Variants in FHL2 observed in about 807,000 individuals in gnomAD.
FHL2 encodes the protein four and a half LIM domains 2, also known as four and a half LIM domains protein 2.
Under a neutral mutation model 32.7 loss-of-function variants are expected in FHL2, and 20 were observed. The ratio of observed to expected loss-of-function variants is 0.61; its 90% CI spans 0.43 to 0.89. The LOEUF (loss-of-function observed/expected upper bound fraction) is 0.89, where lower values mean the gene tolerates loss of function less well. FHL2 is among the 40% of genes least tolerant of loss of function. The probability of loss-of-function intolerance (pLI) is 0.00; values close to 1 mark genes in which losing one functional copy is unlikely to be tolerated. For synonymous variants in FHL2, 123 were observed against 128.1 expected (o/e 0.96, Z 0.27); for missense variants, 311 against 358.6 (o/e 0.87, Z 1.07).
At chr2:105,409,389 C>T (rs1660310631) in intron 1 of FHL2, among the ~76,000 whole-genome samples, 1 of 152,180 alleles carries the variant, frequency 6.6e-6, no homozygotes, top group Non-Finnish European at 1.5e-5. Context: ...TCCCATGATG[C>T]TCATGTGTGG....
chr2:105,403,755 G>A (rs1306989782), upstream of FHL2, among the ~76,000 whole-genome samples: 1 of 152,122 alleles, frequency 6.6e-6, no homozygotes, highest in African/African-American at 2.4e-5. Flanking sequence ...CGTGGGGGAG[G>A]GACAGGGAAA....
chr2:105,408,047 A>G (rs1036407780), intron 1 of FHL2, among the ~76,000 whole-genome samples: 2 of 152,240 alleles, frequency 1.3e-5, no homozygotes, highest in African/African-American at 4.8e-5. Flanking sequence ...CAGAAATTCC[A>G]TAAAGGTTCT....
chr2:105,437,981 T>G (rs148129526), intron 1 of FHL2, among the ~76,000 whole-genome samples: 68 of 152,332 alleles, frequency 4.5e-4, no homozygotes, highest in African/African-American at 1.2e-3. Context: ...AAAGTTCAAG[T>G]GCACTGTGGT....
chr2:105,405,226 CT>C (rs1464404743), intron 1 of FHL2, among the ~76,000 whole-genome samples: 1 of 152,126 alleles, frequency 6.6e-6, no homozygotes, highest in Non-Finnish European at 1.5e-5. Context: ...GAGTTTTACT[CT>C]TTTTTTCCTC....
At position 105,437,453 on chromosome 2, in the gene FHL2, G is replaced by A. The variant is rs561363663; in HGVS notation, c.-25+946C>T. ...GTATCGATAAAATTTTGAAAGCCTA[G>A]CAATAAAATAAAATTCAAATAATAT... is the stretch of plus-strand genomic sequence containing the variant. On this transcript the variant is annotated intron_variant, in intron 1 of 5. Coordinates refer to the FHL2 transcript ENST00000393352. Among the ~76,000 whole-genome samples, 35 of 152,052 alleles carry A rather than the reference G, an allele frequency of 2.3e-4. 1 individual carries two copies. The South Asian group carries it at 7.3e-3, about 32-fold the overall frequency.
intron 1 of FHL2, among the ~76,000 whole-genome samples, chr2:105,437,412 AT>A (rs1684645498): frequency 6.6e-6 from 1 of 152,214 alleles, no homozygotes; most frequent in Admixed American, 6.5e-5. Context: ...TACCCCATAA[AT>A]ATGTAAAATA....
At chr2:105,421,970 C>T (rs1684114354) in intron 1 of FHL2, among the ~76,000 whole-genome samples, 1 of 152,142 alleles carries the variant, frequency 6.6e-6, no homozygotes, top group South Asian at 2.1e-4. Flanking sequence ...TCTTTTTGTT[C>T]CCATCAGCTT....
Position 105,395,718 on chromosome 2 carries a change from A to G in FHL2, c.-25+929T>C, listed in dbSNP as rs148794933. Among the ~76,000 whole-genome samples the G allele has an allele frequency of 2.7e-3, 414 of 152,306 alleles. 3 individuals carry two copies. Among genetic ancestry groups the G allele is most frequent in the African/African-American group, 9.4e-3 (391 of 41,560 alleles). ...TTGTTGACTGACAAGCTCCATATTTACATACTGCAAGGACATTCTGGCATT... is the reference window on the plus strand; with the variant it reads ...TTGTTGACTGACAAGCTCCATATTTGCATACTGCAAGGACATTCTGGCATT... On this transcript the variant is annotated intron_variant, in intron 2 of 6. Coordinates refer to ENST00000530340, the MANE Select transcript of FHL2 (RefSeq NM_001318895.3).
At chr2:105,436,018 G>A (rs999654710) in intron 1 of FHL2, among the ~76,000 whole-genome samples, 8 of 152,124 alleles carry the variant, frequency 5.3e-5, no homozygotes, top group African/African-American at 1.9e-4. Flanking sequence ...CAAAAGTCCT[G>A]TGTTAAAATG....
chr2:105,383,166 G>A (rs1052691219), intron 3 of FHL2, among the ~76,000 whole-genome samples: 23 of 152,348 alleles, frequency 1.5e-4, no homozygotes, highest in East Asian at 1.9e-4. Context: ...AATTACAGGC[G>A]TGGGCCACTG....
chr2:105,399,518 T>A, upstream of FHL2: 1 of 1,536,152 alleles, frequency 6.5e-7, no homozygotes, highest in Non-Finnish European at 8.7e-7. Context: ...AGATGCTTCT[T>A]TACGAAATGA....
chr2:105,401,539 T>G (rs1351402877), upstream of FHL2, among the ~76,000 whole-genome samples: 2 of 152,236 alleles, frequency 1.3e-5, no homozygotes, highest in African/African-American at 4.8e-5. Flanking sequence ...TTATAGGAAA[T>G]TATCTTGTAG....
In FHL2 at chr2:105,419,211, A is replaced by T. The variant is rs185342361; in HGVS notation, c.-25+19188T>A. Among the ~76,000 whole-genome samples the T allele has an allele frequency of 5.0e-3, 762 of 152,232 alleles. 2 individuals carry two copies. The highest frequency in any genetic ancestry group is 8.1e-3 in the Non-Finnish European group (550 of 68,026). On this transcript the variant is annotated intron_variant, in intron 1 of 5. Coordinates refer to the FHL2 transcript ENST00000393352. ...ACTTTGGCATAAGGATTTTTAAAAAATTTTTTTATTTTCATAGGTTTTTCG... is the reference window on the plus strand; with the variant it reads ...ACTTTGGCATAAGGATTTTTAAAAATTTTTTTTATTTTCATAGGTTTTTCG...
At chr2:105,393,979 C>T (rs773961184) in intron 2 of FHL2, among the ~76,000 whole-genome samples, 5 of 152,200 alleles carry the variant, frequency 3.3e-5, no homozygotes, top group Admixed American at 6.5e-5. Context: ...TTGGGAAGAA[C>T]GCACAGATCC....
upstream of FHL2, chr2:105,399,206 C>T (rs1297904652): frequency 2.0e-6 from 3 of 1,464,070 alleles, no homozygotes; most frequent in East Asian, 8.5e-5. Context: ...CGGGCTGCGG[C>T]GGTCCCGGCC....
Position 105,361,310 on chromosome 2 carries a change from C to T in FHL2, c.813G>A (p.Leu271=). The part of the protein sequence containing the change: ...RGFLTERDDI[L]CPDCGKDI ...AGATGTCTTTCCCACAGTCGGGGCA[C>T]AGGATGTCGTCCCTCTCTGTGAGGA... The change falls in exon 7 of 7, where the codon CTG becomes CTA. Residue 271 remains leucine, a synonymous_variant. Coordinates refer to ENST00000530340, the MANE Select transcript of FHL2 (RefSeq NM_001318895.3). 1.2e-6 allele frequency: 2 copies of T among 1,614,034 alleles called. No individual in the cohort carries two copies. The highest frequency in any genetic ancestry group is 1.1e-5 in the South Asian group (1 of 91,054).
At chr2:105,426,798 G>A (rs1684282004) in intron 1 of FHL2, among the ~76,000 whole-genome samples, 1 of 152,250 alleles carries the variant, frequency 6.6e-6, no homozygotes, top group Non-Finnish European at 1.5e-5. Flanking sequence ...CTGGGGTGCA[G>A]ATGCTGCCGA....
intron 4 of FHL2, among the ~76,000 whole-genome samples, chr2:105,368,417 G>C (rs910677000): frequency 1.3e-5 from 2 of 152,140 alleles, no homozygotes; most frequent in African/African-American, 2.4e-5. Context: ...CTGCAGCCTT[G>C]AACATCTGGG....
At chr2:105,369,315 T>A (rs756802361) in intron 4 of FHL2, among the ~76,000 whole-genome samples, 1 of 152,200 alleles carries the variant, frequency 6.6e-6, no homozygotes, top group Admixed American at 6.5e-5. Context: ...CAAAATCTTA[T>A]GGTCCCAAGG....
Sources: allele counts gnomAD v4.1 joint callset (sites outside exome capture counted in the v4.1 genomes callset), GRCh38; gene constraint gnomAD v4.1.1; transcripts MANE v1.5; gene names NCBI Gene and HGNC (gene_info 2026-07-23, HGNC 2026-07-21).